Variants in FMN1 observed in about 807,000 individuals in gnomAD.
The protein encoded by FMN1 is formin-1.
Under a neutral mutation model 132.4 loss-of-function variants are expected in FMN1, and 110 were observed. The observed-to-expected ratio is 0.83, with a 90% CI of 0.71 to 0.97. The LOEUF is 0.97. Ranked by LOEUF, FMN1 falls within the 50% of genes least tolerant of loss-of-function variation. The probability of loss-of-function intolerance (pLI) is 0.00; values close to 1 mark genes in which losing one functional copy is unlikely to be tolerated. For missense variants in FMN1, 1,792 were observed against 1,705.3 expected (o/e 1.05, Z -0.90); for synonymous variants, 722 against 651.7 (o/e 1.11, Z -1.64).
chr15:32,892,622 C>T (rs2060059486), intron 15 of FMN1, among the ~76,000 whole-genome samples: 1 of 152,152 alleles, frequency 6.6e-6, no homozygotes, highest in Admixed American at 6.5e-5. Flanking sequence ...GGAATAGTGT[C>T]AAAAGGATTG....
chr15:32,999,749 T>C (rs974530882), intron 7 of FMN1, among the ~76,000 whole-genome samples: 11 of 152,210 alleles, frequency 7.2e-5, no homozygotes, highest in African/African-American at 2.7e-4. Context: ...TAAAAACAGA[T>C]ACAACAATCT....
At chr15:32,873,214 C>T (rs541215971) in intron 16 of FMN1, among the ~76,000 whole-genome samples, 11 of 152,296 alleles carry the variant, frequency 7.2e-5, no homozygotes, top group African/African-American at 2.4e-4. Flanking sequence ...GTAAATCTGT[C>T]GGGAGAATTG....
At chr15:33,188,227 C>A (rs925718209) in intron 2 of FMN1, among the ~76,000 whole-genome samples, 10 of 151,972 alleles carry the variant, frequency 6.6e-5, no homozygotes, top group Non-Finnish European at 1.0e-4. Context: ...GTGATCCCAG[C>A]TACTCAGGAA....
chr15:33,150,392 G>C, intron 4 of FMN1: 1 of 985,454 alleles, frequency 1.0e-6, no homozygotes, highest in Non-Finnish European at 1.2e-6. Flanking sequence ...GTGGTGGGAG[G>C]AGGCAGGAGA....
chr15:32,849,474 A>T (rs1455074060), intron 17 of FMN1, among the ~76,000 whole-genome samples: 1 of 137,736 alleles, frequency 7.3e-6, no homozygotes, highest in African/African-American at 3.6e-5. Context: ...CTTTTTTTTT[A>T]AAAAAGATGC....
intron 4 of FMN1, among the ~76,000 whole-genome samples, chr15:33,090,377 A>C (rs2038860847): frequency 6.6e-6 from 1 of 152,194 alleles, no homozygotes; most frequent in Non-Finnish European, 1.5e-5. Context: ...GTAGCATTTT[A>C]GAAGGAAGAA....
intron 6 of FMN1, among the ~76,000 whole-genome samples, chr15:33,025,348 G>A (rs1162712351): frequency 6.6e-6 from 1 of 152,002 alleles, no homozygotes; most frequent in African/African-American, 2.4e-5. Context: ...ATATACCCCA[G>A]AACCAACAAA....
At chr15:32,948,089 T>C (rs2061548088) in intron 9 of FMN1, among the ~76,000 whole-genome samples, 1 of 152,024 alleles carries the variant, frequency 6.6e-6, no homozygotes, top group South Asian at 2.1e-4. Flanking sequence ...GGACACTCTT[T>C]TTGAGGCTAA....
At chr15:33,104,019 T>C (rs1024219939) in intron 4 of FMN1, among the ~76,000 whole-genome samples, 3 of 152,058 alleles carry the variant, frequency 2.0e-5, no homozygotes, top group Non-Finnish European at 2.9e-5. Context: ...CGGCAAAATT[T>C]TCAGGAAGGA....
At chr15:32,961,118 G>C (rs1322771213) in intron 9 of FMN1, among the ~76,000 whole-genome samples, 2 of 150,666 alleles carry the variant, frequency 1.3e-5, no homozygotes, top group African/African-American at 4.9e-5. Context: ...GGGTCAGGTA[G>C]ATTCAGATAT....
intron 4 of FMN1, among the ~76,000 whole-genome samples, chr15:33,120,440 C>T (rs189193001): frequency 5.3e-4 from 80 of 152,226 alleles, no homozygotes; most frequent in Non-Finnish European, 1.1e-3. Flanking sequence ...TACACACCGG[C>T]AGGGAAGACA....
chr15:33,181,033 G>A (rs1220714324), intron 2 of FMN1, among the ~76,000 whole-genome samples: 3 of 152,098 alleles, frequency 2.0e-5, no homozygotes, highest in Non-Finnish European at 4.4e-5. Context: ...TTACAGGCAT[G>A]AGCCACCATG....
At chr15:32,977,044 A>C (rs1255064627) in intron 7 of FMN1, among the ~76,000 whole-genome samples, 1 of 152,234 alleles carries the variant, frequency 6.6e-6, no homozygotes, top group Non-Finnish European at 1.5e-5. Context: ...TTTCTGCCTT[A>C]ATATTTTGAA....
At chr15:32,826,579 A>G (rs893535365) in intron 17 of FMN1, among the ~76,000 whole-genome samples, 1 of 152,150 alleles carries the variant, frequency 6.6e-6, no homozygotes, top group South Asian at 2.1e-4. Flanking sequence ...AGAAACCAGG[A>G]AAGTAGTGAG....
At chr15:32,866,986 A>G (rs1355798237) in intron 16 of FMN1, among the ~76,000 whole-genome samples, 1 of 152,088 alleles carries the variant, frequency 6.6e-6, no homozygotes, top group East Asian at 1.9e-4. Flanking sequence ...TCCTCCTCCC[A>G]TGCTATGCTC....
At chr15:33,047,766 G>T (rs1022904913) in intron 6 of FMN1, among the ~76,000 whole-genome samples, 1 of 152,100 alleles carries the variant, frequency 6.6e-6, no homozygotes, top group African/African-American at 2.4e-5. Flanking sequence ...AATTTCTGAA[G>T]ATCTGTTTTG....
At chr15:32,888,315 G>A (rs1490728273) in intron 15 of FMN1, 23 bp from the exon 16 acceptor site, 11 of 1,577,168 alleles carry the variant, frequency 7.0e-6, no homozygotes, top group Non-Finnish European at 9.5e-6. Flanking sequence ...GTAAACAAAA[G>A]TACATTATAC....
intron 19 of FMN1, among the ~76,000 whole-genome samples, chr15:32,787,821 G>A (rs1210717837): frequency 6.6e-6 from 1 of 152,012 alleles, no homozygotes; most frequent in African/African-American, 2.4e-5. Flanking sequence ...ATTCTAGCCT[G>A]GGCAAAAGAA....
At chr15:33,090,065 C>G (rs16964818) in intron 4 of FMN1, among the ~76,000 whole-genome samples, 2,746 of 152,274 alleles carry the variant, frequency 0.018, 79 homozygotes, top group African/African-American at 0.063. Flanking sequence ...CTGGACACTT[C>G]TAATGTTTCA....
Sources: gnomAD v4.1 joint callset for allele counts (sites outside exome capture counted in the v4.1 genomes callset) on GRCh38, gnomAD v4.1.1 for gene constraint, MANE v1.5 for transcripts, NCBI Gene and HGNC (gene_info 2026-07-23, HGNC 2026-07-21) for gene names.